The following DOK5 variants were observed in gnomAD, a reference collection of about 807,000 sequenced individuals.
DOK5 encodes downstream of tyrosine kinase 5.
Under a neutral mutation model 43.3 loss-of-function variants are expected in DOK5, and 27 were observed. The observed-to-expected ratio is 0.62, with a 90% CI of 0.46 to 0.86. The LOEUF (loss-of-function observed/expected upper bound fraction) is 0.86, where lower values mean the gene tolerates loss of function less well. Among genes scored for constraint, DOK5 ranks in the 40% least tolerant of loss-of-function variants. DOK5 has a pLI of 0.00. For synonymous variants in DOK5, 146 were observed against 140.1 expected (o/e 1.04, Z -0.30); for missense variants, 373 against 392.9 (o/e 0.95, Z 0.43).
chr20:54,569,511 A>G (rs967873977), intron 2 of DOK5, among the ~76,000 whole-genome samples: 6 of 152,154 alleles, frequency 3.9e-5, no homozygotes, highest in African/African-American at 1.4e-4. Flanking sequence ...GTGTGCATCT[A>G]TTTTTATGTG....
intron 2 of DOK5, among the ~76,000 whole-genome samples, chr20:54,587,913 A>G (rs1470125219): frequency 2.6e-5 from 4 of 152,204 alleles, no homozygotes; most frequent in Admixed American, 6.5e-5. Flanking sequence ...TGTACTTTCT[A>G]TGATTTGGAC....
chr20:54,555,257 C>G, intron 2 of DOK5: 1 of 497,174 alleles, frequency 2.0e-6, no homozygotes, highest in South Asian at 2.1e-5. Flanking sequence ...TGTAGCTGTT[C>G]TTGCTGTTTT....
intron 6 of DOK5, among the ~76,000 whole-genome samples, chr20:54,611,315 C>T (rs1232901987): frequency 2.0e-5 from 3 of 152,114 alleles, no homozygotes; most frequent in Non-Finnish European, 4.4e-5. Flanking sequence ...AATCCCAGAA[C>T]TGTAATCAGG....
intron 2 of DOK5, among the ~76,000 whole-genome samples, chr20:54,561,887 C>A (rs1369359950): frequency 6.6e-6 from 1 of 152,170 alleles, no homozygotes. Context: ...GAACTCCCGA[C>A]CTCAGGTGAT....
At chr20:54,547,447 A>G (rs1310811117) in intron 1 of DOK5, among the ~76,000 whole-genome samples, 1 of 152,230 alleles carries the variant, frequency 6.6e-6, no homozygotes, top group Non-Finnish European at 1.5e-5. Context: ...AGACATTGTG[A>G]AGGCTTACTA....
chr20:54,597,516 C>T (rs117941711), intron 5 of DOK5, among the ~76,000 whole-genome samples: 3 of 152,188 alleles, frequency 2.0e-5, no homozygotes, highest in South Asian at 2.1e-4. Flanking sequence ...CTCATTACCT[C>T]ATTTGAGCTA....
intron 4 of DOK5, 129 bp downstream of exon 4, chr20:54,588,935 A>T: frequency 1.1e-6 from 1 of 947,550 alleles, no homozygotes; most frequent in Non-Finnish European, 1.5e-6. Context: ...GTAATCTTTT[A>T]TCTAATCCAC....
chr20:54,475,723 T>A lies in DOK5; in HGVS notation c.-224T>A. Reference sequence around the variant, plus strand: ...CCAGCCTCGCCTCCCCGCGCCGCGCTCTGCGCTCCCCGAAAGTGGCTGCAA... The same window carrying A: ...CCAGCCTCGCCTCCCCGCGCCGCGCACTGCGCTCCCCGAAAGTGGCTGCAA... On this transcript the variant is annotated 5_prime_UTR_variant, in exon 1 of 8. Coordinates refer to ENST00000262593, the MANE Select transcript of DOK5 (RefSeq NM_018431.5). This position sits in a 1 kb window ranked among gnomAD's most constrained non-coding sequence, Gnocchi z 4.2. The A allele has an allele frequency of 1.6e-6, 1 of 606,202 alleles. No homozygotes were observed. Among genetic ancestry groups the A allele is most frequent in the Non-Finnish European group, 2.8e-6 (1 of 353,500 alleles). The allele number at this position is 606,202 out of a possible 1,614,324, so 37.6% of individuals were successfully genotyped here.
intron 6 of DOK5, among the ~76,000 whole-genome samples, chr20:54,619,871 A>G (rs1201321307): frequency 6.6e-6 from 1 of 152,240 alleles, no homozygotes; most frequent in African/African-American, 2.4e-5. Flanking sequence ...AAGAAATCAT[A>G]GAGTCAATTT....
chr20:54,622,256 T>A (rs1423544300), intron 6 of DOK5, among the ~76,000 whole-genome samples: 2 of 152,178 alleles, frequency 1.3e-5, no homozygotes, highest in African/African-American at 4.8e-5. Context: ...AACCTACATT[T>A]ACTAATAGAC....
chr20:54,507,161 G>A (rs886901693), intron 1 of DOK5, among the ~76,000 whole-genome samples: 2 of 152,182 alleles, frequency 1.3e-5, no homozygotes, highest in African/African-American at 4.8e-5. Flanking sequence ...TTGGGATACA[G>A]TATGAACAAG....
intron 1 of DOK5, among the ~76,000 whole-genome samples, chr20:54,505,638 GA>G (rs766873164): frequency 1.1e-4 from 17 of 151,424 alleles, no homozygotes; most frequent in Non-Finnish European, 1.9e-4. Flanking sequence ...GGAAATGCAG[GA>G]AATAAAGAGA....
intron 1 of DOK5, among the ~76,000 whole-genome samples, chr20:54,500,973 G>A (rs1272506791): frequency 1.3e-5 from 2 of 152,150 alleles, no homozygotes; most frequent in African/African-American, 4.8e-5. Context: ...TAGTTTACTT[G>A]ATAGTAAAAA....
chr20:54,535,095 G>C (rs978071349), intron 1 of DOK5, among the ~76,000 whole-genome samples: 2 of 152,116 alleles, frequency 1.3e-5, no homozygotes, highest in African/African-American at 4.8e-5. Context: ...GGCTTGCAAA[G>C]TGCTGGGATT....
chr20:54,588,758 C>G lies in DOK5; in HGVS notation c.361C>G (p.Leu121Val). ...AGGAACACGGATCAATGACATCAGC[C>G]TTGGAGAGCCTGACTTACTGGCCAC... ...CVGTRINDIS[L>V]GEPDLLATGV... Residue 121 changes from leucine to valine, a missense_variant, in exon 4 of 8, where the codon CTT becomes GTT. Transcript: ENST00000262593. The G allele has an allele frequency of 6.2e-7, 1 of 1,614,016 alleles. No homozygotes were observed. The highest frequency in any genetic ancestry group is 8.5e-7 in the Non-Finnish European group (1 of 1,179,948).
chr20:54,600,982 A>C (rs2146781728), intron 5 of DOK5, among the ~76,000 whole-genome samples: 1 of 152,364 alleles, frequency 6.6e-6, no homozygotes, highest in African/African-American at 2.4e-5. Flanking sequence ...GTGAGGGACA[A>C]GAATGGCTGT....
At chr20:54,515,905 G>A (rs1983183148) in intron 1 of DOK5, among the ~76,000 whole-genome samples, 1 of 152,180 alleles carries the variant, frequency 6.6e-6, no homozygotes, top group Non-Finnish European at 1.5e-5. Context: ...ATGCTTTTAT[G>A]CAATTCTGTG....
chr20:54,533,088 G>A (rs1299004074), intron 1 of DOK5, among the ~76,000 whole-genome samples: 1 of 152,174 alleles, frequency 6.6e-6, no homozygotes, highest in East Asian at 1.9e-4. Context: ...CTTTAATTTT[G>A]AGAATCCTCT....
At chr20:54,637,690 A>G (rs1210131488) in intron 6 of DOK5, among the ~76,000 whole-genome samples, 1 of 152,248 alleles carries the variant, frequency 6.6e-6, no homozygotes, top group African/African-American at 2.4e-5. Context: ...TAGCTTGGTT[A>G]GGATTTATTT....
Sources: gnomAD v4.1 joint callset for allele counts (sites outside exome capture counted in the v4.1 genomes callset) on GRCh38, gnomAD v4.1.1 for gene constraint, Gnocchi (gnomAD v3.1) non-coding constraint, MANE v1.5 for transcripts, NCBI Gene and HGNC (gene_info 2026-07-23, HGNC 2026-07-21) for gene names.